The following RAB15 variants were observed in gnomAD, a reference collection of about 807,000 sequenced individuals.
The protein encoded by RAB15 is RAB15, member RAS oncogene family, also known as ras-related protein Rab-15.
A neutral mutation model predicts 31.8 loss-of-function variants in RAB15; 13 were observed. That is an observed-to-expected ratio of 0.41 (90% CI 0.27 to 0.65). The LOEUF (loss-of-function observed/expected upper bound fraction) is 0.65, where lower values mean the gene tolerates loss of function less well. RAB15 is among the 30% of genes least tolerant of loss of function. The pLI, the probability that RAB15 is intolerant of heterozygous loss-of-function variation, is 0.32. For synonymous variants in RAB15, 100 were observed against 105.6 expected (o/e 0.95, Z 0.33); for missense variants, 220 against 277.3 (o/e 0.79, Z 1.47).
intron 1 of RAB15, among the ~76,000 whole-genome samples, chr14:64,957,117 T>G (rs1037679105): frequency 1.6e-4 from 24 of 147,222 alleles, no homozygotes; most frequent in African/African-American, 4.8e-4. Context: ...TTTTTTTTTT[T>G]GTAGAGATGA....
chr14:64,949,604 T>G (rs1301138181), intron 5 of RAB15, among the ~76,000 whole-genome samples: 1 of 151,806 alleles, frequency 6.6e-6, no homozygotes, highest in African/African-American at 2.4e-5. Flanking sequence ...GCACCTGTAA[T>G]CTCAGCTACT....
In RAB15 at chr14:64,955,496, G is replaced by A. The variant is rs2139978411; in HGVS notation, c.125-2925C>T. Among the ~76,000 whole-genome samples, 1 of 152,338 alleles carries A rather than the reference G, an allele frequency of 6.6e-6. No individual in the cohort carries two copies. The highest frequency in any genetic ancestry group is 2.1e-4 in the South Asian group (1 of 4,830). On this transcript the variant is annotated intron_variant, in intron 1 of 6. Coordinates refer to ENST00000533601, the MANE Select transcript of RAB15 (RefSeq NM_001308154.2). This position sits in a 1 kb window ranked among gnomAD's most constrained non-coding sequence, Gnocchi z 4.4. ...GGCCTTATTGAGGCCTCTGCAGACG[G>A]ATGCTTTCTCACCTTGGCCAGCCCT... is the stretch of plus-strand genomic sequence containing the variant.
chr14:64,961,138 A>C (rs1343949193), intron 1 of RAB15, among the ~76,000 whole-genome samples: 1 of 152,148 alleles, frequency 6.6e-6, no homozygotes, highest in African/African-American at 2.4e-5. Flanking sequence ...AACCTAATAC[A>C]CCTGAAACCC....
At position 64,954,282 on chromosome 14, in the gene RAB15, T is replaced by TGGGAAGCA; in HGVS notation, c.125-1719_125-1712dup. 2 of 985,366 alleles carry TGGGAAGCA rather than the reference T, an allele frequency of 2.0e-6. No individual in the cohort carries two copies. Among genetic ancestry groups the TGGGAAGCA allele is most frequent in the Non-Finnish European group, 2.4e-6 (2 of 829,916 alleles). 61.0% of individuals were successfully genotyped at this position (985,366 alleles called of 1,614,324 possible). ...GAGGAAGGAGAGAAGCATCAGGCCT[T>TGGGAAGCA]GGGAAGCAGGAGTATGCTTATTTCT... On this transcript the variant is annotated intron_variant, in intron 1 of 6. Coordinates refer to ENST00000533601, the MANE Select transcript of RAB15 (RefSeq NM_001308154.2). The surrounding 1 kb of genome is among the most constrained non-coding windows in gnomAD (Gnocchi z 4.3).
rs141231357 is a variant in RAB15 at position 64,965,580 on chromosome 14, G to A, written c.124+6373C>T. On this transcript the variant is annotated intron_variant, in intron 1 of 6. Coordinates refer to ENST00000533601, the MANE Select transcript of RAB15 (RefSeq NM_001308154.2). The stretch of plus-strand genomic sequence containing the variant: ...CAAAGCTCACTGACCAGAGAGAAGA[G>A]CCAAGGAGAGGGCAGAGGCCTATAC... 2.2e-3 allele frequency among the ~76,000 whole-genome samples: 337 copies of A among 152,314 alleles called. 2 individuals are homozygous for A. The highest frequency in any genetic ancestry group is 7.7e-3 in the African/African-American group (322 of 41,572).
chr14:64,954,180 C>G lies in RAB15; in HGVS notation c.125-1609G>C, dbSNP rs1886415914. The G allele has an allele frequency of 2.0e-6, 2 of 985,294 alleles. No individual in the cohort carries two copies. Among genetic ancestry groups the G allele is most frequent in the South Asian group, 4.7e-5 (1 of 21,294 alleles). 61.0% of individuals were successfully genotyped at this position (985,294 alleles called of 1,614,324 possible). A position where few individuals can be genotyped will look rare whatever the true frequency, so the allele number is the denominator to read the frequency against. On this transcript the variant is annotated intron_variant, in intron 1 of 6. Coordinates refer to ENST00000533601, the MANE Select transcript of RAB15 (RefSeq NM_001308154.2). The surrounding 1 kb of genome is among the most constrained non-coding windows in gnomAD (Gnocchi z 4.3). The stretch of plus-strand genomic sequence containing the variant: ...GCTGATTCATATCCATTGAGCTGTA[C>G]TTTTCCAAATGGGCAATGCCTGGCA...
rs993285337 is a variant in RAB15, at chr14:64,972,216, G to A, written c.-140C>T. 1.6e-5 allele frequency: 8 copies of A among 511,608 alleles called. No individual in the cohort carries two copies. The highest frequency in any genetic ancestry group is 1.8e-5 in the Non-Finnish European group (7 of 397,194). 31.7% of individuals were successfully genotyped at this position (511,608 alleles called of 1,614,324 possible). On this transcript the variant is annotated 5_prime_UTR_variant, in exon 1 of 7. Coordinates refer to ENST00000533601, the MANE Select transcript of RAB15 (RefSeq NM_001308154.2). The surrounding 1 kb of genome is among the most constrained non-coding windows in gnomAD (Gnocchi z 6.3). Reference sequence around the variant, plus strand: ...CGGGCCCGGCCCCCGCGGCTGCCTCGCCCGCCCGCCTGCCCACTCGCTCGC... The same window carrying A: ...CGGGCCCGGCCCCCGCGGCTGCCTCACCCGCCCGCCTGCCCACTCGCTCGC...
chr14:64,965,840 A>C (rs897639958), intron 1 of RAB15, among the ~76,000 whole-genome samples: 1 of 152,192 alleles, frequency 6.6e-6, no homozygotes, highest in African/African-American at 2.4e-5. Context: ...CTGTGGGTGC[A>C]TCTGCGGATC....
intron 1 of RAB15, among the ~76,000 whole-genome samples, chr14:64,957,655 G>C: frequency 6.6e-6 from 1 of 152,142 alleles, no homozygotes; most frequent in Admixed American, 6.5e-5. Flanking sequence ...GGCAGGAGTA[G>C]GTATTATTGT....
In RAB15 at chr14:64,950,068, A is replaced by G. The variant is rs542298335; in HGVS notation, c.414+257T>C. 1.5e-3 allele frequency among the ~76,000 whole-genome samples: 228 copies of G among 152,292 alleles called. 1 individual carries two copies. The highest frequency in any genetic ancestry group is 5.1e-3 in the African/African-American group (213 of 41,550). On this transcript the variant is annotated intron_variant, in intron 5 of 6. Coordinates refer to ENST00000533601, the MANE Select transcript of RAB15 (RefSeq NM_001308154.2). The surrounding 1 kb of genome is among the most constrained non-coding windows in gnomAD (Gnocchi z 5.6). ...TCTCTTAAGCAGAGGGCAATCCTGCATTTGGGGACCTGGACTTGGGAGAGT... is the reference window on the plus strand; with the variant it reads ...TCTCTTAAGCAGAGGGCAATCCTGCGTTTGGGGACCTGGACTTGGGAGAGT...
Position 64,968,923 on chromosome 14 carries a change from C to G in RAB15, c.124+3030G>C, listed in dbSNP as rs1887279952. On this transcript the variant is annotated intron_variant, in intron 1 of 6. Coordinates refer to ENST00000533601, the MANE Select transcript of RAB15 (RefSeq NM_001308154.2). The surrounding 1 kb of genome is among the most constrained non-coding windows in gnomAD (Gnocchi z 4.9). ...AGGGACAGTCAGTGTCTCAGTCTAC[C>G]AGGGAGGCCTCTCACTGCTCCCTGG... Among the ~76,000 whole-genome samples the G allele has an allele frequency of 6.6e-6, 1 of 152,194 alleles. No individual in the cohort carries two copies. Among genetic ancestry groups the G allele is most frequent in the African/African-American group, 2.4e-5 (1 of 41,452 alleles).
At position 64,948,212 on chromosome 14, in the gene RAB15, C is replaced by T; in HGVS notation, c.*142G>A. On this transcript the variant is annotated 3_prime_UTR_variant, in exon 7 of 7. Coordinates refer to ENST00000533601, the MANE Select transcript of RAB15 (RefSeq NM_001308154.2). The surrounding 1 kb of genome is among the most constrained non-coding windows in gnomAD (Gnocchi z 7.0). ...ATGACAGCAGAGCCGCTCTCAGGGCCAGGCAGGGGGAGTAGTGGCTACTGA... is the reference window on the plus strand; with the variant it reads ...ATGACAGCAGAGCCGCTCTCAGGGCTAGGCAGGGGGAGTAGTGGCTACTGA... The T allele has an allele frequency of 1.1e-6, 1 of 878,802 alleles. No homozygotes were observed. The highest frequency in any genetic ancestry group is 1.6e-6 in the Non-Finnish European group (1 of 613,058). The allele number at this position is 878,802 out of a possible 1,614,324, so 54.4% of individuals were successfully genotyped here.
rs1353007933 is a variant in RAB15, at chr14:64,971,822, C to T, written c.124+131G>A. On this transcript the variant is annotated intron_variant, in intron 1 of 6. Transcript: ENST00000533601. This position sits in a 1 kb window ranked among gnomAD's most constrained non-coding sequence, Gnocchi z 4.1. ...CCTATGCTCACCCCGAGATTTATCCCGGACTCCGGCCTCCGGCGCCACCGC... is the reference window on the plus strand; with the variant it reads ...CCTATGCTCACCCCGAGATTTATCCTGGACTCCGGCCTCCGGCGCCACCGC... 1.2e-6 allele frequency: 1 copy of T among 860,038 alleles called. No individual in the cohort carries two copies. The highest frequency in any genetic ancestry group is 1.8e-6 in the Non-Finnish European group (1 of 563,402). 53.3% of individuals were successfully genotyped at this position (860,038 alleles called of 1,614,324 possible).
chr14:64,968,111 CT>C lies in RAB15; in HGVS notation c.124+3841del, dbSNP rs528204443. ...CAACAGGCATTGAATCTGCCTGGCC[CT>C]GTACTAGGGACTATAAAAACAATGA... On this transcript the variant is annotated intron_variant, in intron 1 of 6. Coordinates refer to ENST00000533601, the MANE Select transcript of RAB15 (RefSeq NM_001308154.2). This position sits in a 1 kb window ranked among gnomAD's most constrained non-coding sequence, Gnocchi z 4.9. Among the ~76,000 whole-genome samples the C allele has an allele frequency of 2.2e-3, 333 of 152,318 alleles. 2 individuals carry two copies. The highest frequency in any genetic ancestry group is 7.6e-3 in the African/African-American group (316 of 41,564).
chr14:64,959,383 C>T (rs985149040), intron 1 of RAB15, among the ~76,000 whole-genome samples: 2 of 152,178 alleles, frequency 1.3e-5, no homozygotes, highest in Admixed American at 6.5e-5. Flanking sequence ...CCTAAACCAT[C>T]GCTCCCTGCT....
Position 64,968,946 on chromosome 14 carries a change from T to A in RAB15, c.124+3007A>T, listed in dbSNP as rs899656559. 2.0e-5 allele frequency among the ~76,000 whole-genome samples: 3 copies of A among 152,206 alleles called. No individual in the cohort carries two copies. Among genetic ancestry groups the A allele is most frequent in the Admixed American group, 1.3e-4 (2 of 15,278 alleles). On this transcript the variant is annotated intron_variant, in intron 1 of 6. Transcript: ENST00000533601. This position sits in a 1 kb window ranked among gnomAD's most constrained non-coding sequence, Gnocchi z 4.9. ...ACCAGGGAGGCCTCTCACTGCTCCC[T>A]GGCGGGTTCTTCTCTAGAAGATCGC...
Position 64,971,966 on chromosome 14 carries a change from G to A in RAB15, c.111C>T (p.His37=), listed in dbSNP as rs746211832. 12 of 1,584,526 alleles carry A rather than the reference G, an allele frequency of 7.6e-6. No homozygotes were observed. In the East Asian group the frequency reaches 2.6e-4, roughly 34 times the overall value. Residue 37 remains histidine, a synonymous_variant, in exon 1 of 7, where the codon CAC becomes CAT. Coordinates refer to ENST00000533601, the MANE Select transcript of RAB15 (RefSeq NM_001308154.2). This position sits in a 1 kb window ranked among gnomAD's most constrained non-coding sequence, Gnocchi z 4.1. ...ACCGCCCCTTACCGATGGTGGAGAT[G>A]TGCGAGGAGTGGAACTCGTTGTCGG... ...RFTDNEFHSS[H]ISTIGVDFKM...
At position 64,951,271 on chromosome 14, in the gene RAB15, C is replaced by G; in HGVS notation, c.247-120G>C. On this transcript the variant is annotated intron_variant, in intron 3 of 6. Coordinates refer to ENST00000533601, the MANE Select transcript of RAB15 (RefSeq NM_001308154.2). This position sits in a 1 kb window ranked among gnomAD's most constrained non-coding sequence, Gnocchi z 7.2. Reference sequence around the variant, plus strand: ...CTCTCCCATTCTCCCTGCTCAGCATCCAGAAATATCTCTTCTCTCAGACCC... The same window carrying G: ...CTCTCCCATTCTCCCTGCTCAGCATGCAGAAATATCTCTTCTCTCAGACCC... The G allele has an allele frequency of 1.3e-6, 1 of 795,106 alleles. No individual in the cohort carries two copies. Among genetic ancestry groups the G allele is most frequent in the Non-Finnish European group, 2.0e-6 (1 of 491,172 alleles). 49.3% of individuals were successfully genotyped at this position (795,106 alleles called of 1,614,324 possible). A position where few individuals can be genotyped will look rare whatever the true frequency, so the allele number is the denominator to read the frequency against.
intron 1 of RAB15, among the ~76,000 whole-genome samples, chr14:64,957,199 AG>A (rs1167445954): frequency 6.6e-6 from 1 of 151,740 alleles, no homozygotes; most frequent in Non-Finnish European, 1.5e-5. Context: ...AGCTTCCCAC[AG>A]TGCTGGGATT....
Sources: gnomAD v4.1 joint callset for allele counts (sites outside exome capture counted in the v4.1 genomes callset) on GRCh38, gnomAD v4.1.1 for gene constraint, Gnocchi (gnomAD v3.1) non-coding constraint, MANE v1.5 for transcripts, NCBI Gene and HGNC (gene_info 2026-07-23, HGNC 2026-07-21) for gene names.